SYTL3: variants seen among roughly 807,000 people sequenced by gnomAD.
SYTL3 encodes synaptotagmin-like protein 3.
In SYTL3, 88 loss-of-function variants were observed where a neutral mutation model predicts 82.1. The observed-to-expected ratio is 1.07, with a 90% CI of 0.90 to 1.28. The LOEUF (loss-of-function observed/expected upper bound fraction) is 1.28, where lower values mean the gene tolerates loss of function less well. Ranked by LOEUF, SYTL3 falls within the 50% of genes most tolerant of loss-of-function variation. The pLI is 0.00. For synonymous variants in SYTL3, 311 were observed against 289.4 expected (o/e 1.07, Z -0.76); for missense variants, 831 against 757.6 (o/e 1.10, Z -1.14).
At chr6:158,734,957 G>C (rs1035660948) in intron 11 of SYTL3, among the ~76,000 whole-genome samples, 1 of 152,210 alleles carries the variant, frequency 6.6e-6, no homozygotes. Flanking sequence ...AGTTTAAAGC[G>C]ACTTGCTGAG....
chr6:158,721,063 G>T (rs564934883), intron 10 of SYTL3, among the ~76,000 whole-genome samples: 1 of 152,324 alleles, frequency 6.6e-6, no homozygotes, highest in East Asian at 1.9e-4. Context: ...GTGGGGTGCA[G>T]GGGAGACGGT....
intron 6 of SYTL3, among the ~76,000 whole-genome samples, chr6:158,694,013 G>A (rs1011992937): frequency 1.3e-5 from 2 of 151,982 alleles, no homozygotes; most frequent in Admixed American, 6.6e-5. Context: ...TTAAAGGAAA[G>A]GTGGATCCTA....
At chr6:158,743,166 A>T (rs1225291455) in intron 11 of SYTL3, among the ~76,000 whole-genome samples, 1 of 152,106 alleles carries the variant, frequency 6.6e-6, no homozygotes, top group African/African-American at 2.4e-5. Flanking sequence ...TAGTGATTCA[A>T]TGTGCTCCTG....
upstream of SYTL3, among the ~76,000 whole-genome samples, chr6:158,648,606 A>T (rs931284090): frequency 8.2e-5 from 12 of 145,818 alleles, no homozygotes; most frequent in East Asian, 4.1e-4. Flanking sequence ...AAAAAAAAAA[A>T]AAATAATAAT....
At chr6:158,656,137 A>G (rs951771133) in intron 2 of SYTL3, among the ~76,000 whole-genome samples, 4 of 152,176 alleles carry the variant, frequency 2.6e-5, no homozygotes, top group Admixed American at 2.0e-4. Flanking sequence ...AGAGTGACAC[A>G]TTCCCACCTC....
At chr6:158,691,240 G>T (rs937248621) in intron 6 of SYTL3, among the ~76,000 whole-genome samples, 1 of 152,030 alleles carries the variant, frequency 6.6e-6, no homozygotes, top group South Asian at 2.1e-4. Flanking sequence ...CCAGCTGCTC[G>T]GGGGGTTGAG....
rs777596209 is a variant in SYTL3, at chr6:158,760,715, C to T, written c.1384C>T (p.Arg462Trp). ...TVRAKLVLPSRPRKLQEAQEG... is the reference protein window; with the variant it reads ...TVRAKLVLPSWPRKLQEAQEG... The stretch of plus-strand genomic sequence containing the variant: ...CCGGGCTAAGCTGGTTCTCCCTTCA[C>T]GGCCCAGAAAACTCCAAGAGGCTCA... The change falls in exon 15 of 18, where the codon CGG becomes TGG. Residue 462 changes from arginine to tryptophan, a missense_variant. Arg to Trp is a moderately radical substitution (Grantham distance 101). Transcript: ENST00000611299. 4.5e-5 allele frequency: 73 copies of T among 1,613,940 alleles called. No homozygotes were observed. Among genetic ancestry groups the T allele is most frequent in the South Asian group, 6.6e-5 (6 of 91,086 alleles).
chr6:158,724,178 C>T (rs1188586581), intron 10 of SYTL3, among the ~76,000 whole-genome samples: 2 of 152,168 alleles, frequency 1.3e-5, no homozygotes, highest in Non-Finnish European at 2.9e-5. Context: ...GGAGGATGGA[C>T]GTTTCATCTT....
rs1783643958 is a variant in SYTL3, at chr6:158,718,165, C to CA, written c.675dup (p.Glu226ArgfsTer7). On this transcript the variant is annotated frameshift_variant, in exon 10 of 18. Transcript: ENST00000611299. LOFTEE classifies it high-confidence loss of function. The stretch of plus-strand genomic sequence containing the variant: ...GGCCCCAGGCAGTGTGTGGGACAGA[C>CA]AGAGAGACGGAGCCAGTCTGACACT... 1 of 1,545,596 alleles carries CA rather than the reference C, an allele frequency of 6.5e-7. No homozygotes were observed. Among genetic ancestry groups the CA allele is most frequent in the Non-Finnish European group, 8.7e-7 (1 of 1,144,532 alleles).
upstream of SYTL3, among the ~76,000 whole-genome samples, chr6:158,646,608 CCTGA>C (rs1286770155): frequency 6.6e-6 from 1 of 152,206 alleles, no homozygotes; most frequent in Admixed American, 6.5e-5. Context: ...AGGGCAGAGC[CCTGA>C]CTGACACAAG....
intron 11 of SYTL3, among the ~76,000 whole-genome samples, chr6:158,732,445 A>C (rs921869161): frequency 6.6e-6 from 1 of 152,268 alleles, no homozygotes; most frequent in Non-Finnish European, 1.5e-5. Context: ...GCGTGTGCGC[A>C]CGGTAGGCCA....
At chr6:158,758,934 G>A (rs1471446996) in intron 14 of SYTL3, among the ~76,000 whole-genome samples, 2 of 152,182 alleles carry the variant, frequency 1.3e-5, no homozygotes, top group East Asian at 3.8e-4. Flanking sequence ...GCGGGTGGGT[G>A]AAGCATCTGG....
chr6:158,647,312 C>G (rs1316355536), upstream of SYTL3, among the ~76,000 whole-genome samples: 2 of 152,200 alleles, frequency 1.3e-5, no homozygotes, highest in African/African-American at 2.4e-5. Context: ...GTTAAATGAT[C>G]GCGATGTATG....
chr6:158,733,289 A>C (rs1230197935), intron 11 of SYTL3, among the ~76,000 whole-genome samples: 1 of 152,002 alleles, frequency 6.6e-6, no homozygotes, highest in Non-Finnish European at 1.5e-5. Context: ...TTCACAAGCA[A>C]CTTTCTCTTT....
At chr6:158,679,731 A>T (rs977164351) in intron 5 of SYTL3, among the ~76,000 whole-genome samples, 1 of 152,192 alleles carries the variant, frequency 6.6e-6, no homozygotes, top group African/African-American at 2.4e-5. Context: ...GGTGACTAGG[A>T]TTTTAATTTA....
intron 12 of SYTL3, among the ~76,000 whole-genome samples, chr6:158,746,099 A>G (rs553322734): frequency 6.6e-6 from 1 of 152,138 alleles, no homozygotes; most frequent in Non-Finnish European, 1.5e-5. Context: ...CTCCCATGGT[A>G]GAAGGGACAA....
chr6:158,718,259 C>T (rs1562417904), intron 10 of SYTL3, 48 bp downstream of exon 10: 4 of 1,374,466 alleles, frequency 2.9e-6, no homozygotes, highest in Non-Finnish European at 3.8e-6. Flanking sequence ...TTCATGTTGT[C>T]TTCCAGAACT....
chr6:158,759,169 T>C (rs1204949447), intron 14 of SYTL3, among the ~76,000 whole-genome samples: 1 of 152,184 alleles, frequency 6.6e-6, no homozygotes, highest in African/African-American at 2.4e-5. Flanking sequence ...CTCATCAGAC[T>C]GAGCCTGCTC....
chr6:158,690,529 T>C (rs78747538), intron 6 of SYTL3, among the ~76,000 whole-genome samples: 6,318 of 152,250 alleles, frequency 0.041, 356 homozygotes, highest in African/African-American at 0.13. Context: ...CAGATTTCCT[T>C]GGAAGTAGAC....
Sources: allele counts gnomAD v4.1 joint callset (sites outside exome capture counted in the v4.1 genomes callset), GRCh38; gene constraint gnomAD v4.1.1; transcripts MANE v1.5; gene names NCBI Gene and HGNC (gene_info 2026-07-23, HGNC 2026-07-21).